MRTFA: variants seen among roughly 807,000 people sequenced by gnomAD.
The protein encoded by MRTFA is myocardin-related transcription factor A.
A neutral mutation model predicts 83.5 loss-of-function variants in MRTFA; 20 were observed. The observed-to-expected ratio is 0.24, with a 90% CI of 0.17 to 0.35. The LOEUF is 0.35. Ranked by LOEUF, MRTFA falls within the 10% of genes least tolerant of loss-of-function variation. The pLI is 1.00. For synonymous variants in MRTFA, 659 were observed against 541.2 expected (o/e 1.22, Z -3.02); for missense variants, 1,200 against 1,224.7 (o/e 0.98, Z 0.30).
intron 2 of MRTFA, among the ~76,000 whole-genome samples, chr22:40,590,486 G>C (rs1160895033): frequency 6.6e-6 from 1 of 151,868 alleles, no homozygotes; most frequent in Non-Finnish European, 1.5e-5. Context: ...GGCCAACATG[G>C]TGAAACCCCG....
chr22:40,547,273 T>C (rs2055379035), intron 3 of MRTFA, among the ~76,000 whole-genome samples: 1 of 151,796 alleles, frequency 6.6e-6, no homozygotes, highest in Non-Finnish European at 1.5e-5. Context: ...GAAATAACTA[T>C]TAAAGAGGAG....
intron 4 of MRTFA, 50 bp from the exon 5 acceptor site, chr22:40,435,604 T>C: frequency 6.3e-7 from 1 of 1,589,554 alleles, no homozygotes; most frequent in Non-Finnish European, 8.6e-7. Context: ...GCATCATGTC[T>C]AGTGCTACGA....
rs759643818 is a variant in MRTFA at position 40,431,363 on chromosome 22, G to A, written c.439+42C>T. Reference sequence around the variant, plus strand: ...TAGTGCAGTAGTGAGTACACACAGTGAGAACTGGATCTAGATGGAAAAGCA... The same window carrying A: ...TAGTGCAGTAGTGAGTACACACAGTAAGAACTGGATCTAGATGGAAAAGCA... On this transcript the variant is annotated intron_variant, in intron 6 of 14. Transcript: ENST00000355630. 2.1e-5 allele frequency: 33 copies of A among 1,574,912 alleles called. No individual in the cohort carries two copies. In the South Asian group the frequency reaches 3.0e-4, roughly 14 times the overall value.
At position 40,598,818 on chromosome 22, in the gene MRTFA, C is replaced by T. The variant is rs149547587; in HGVS notation, c.-83-4083G>A. Among the ~76,000 whole-genome samples, 720 of 147,614 alleles carry T rather than the reference C, an allele frequency of 4.9e-3. 6 individuals are homozygous for T. Among genetic ancestry groups the T allele is most frequent in the Non-Finnish European group, 7.5e-3 (505 of 66,974 alleles). ...CCTAACCAACATGGAGAAATTCCGT[C>T]GCTACTTTAAAAAAAAAAAAAAAAT... On this transcript the variant is annotated intron_variant, in intron 1 of 14. Coordinates refer to ENST00000355630, the MANE Select transcript of MRTFA (RefSeq NM_020831.6).
At chr22:40,612,576 A>G (rs2056399028) in intron 1 of MRTFA, among the ~76,000 whole-genome samples, 1 of 152,228 alleles carries the variant, frequency 6.6e-6, no homozygotes, top group Admixed American at 6.5e-5. Context: ...TAAAAAGCAC[A>G]CATTTTGAGT....
At chr22:40,566,781 C>CCGCGAGGCGGAGGTGCAGT (rs1336805055) in intron 2 of MRTFA, among the ~76,000 whole-genome samples, 2 of 152,096 alleles carry the variant, frequency 1.3e-5, no homozygotes, top group African/African-American at 4.8e-5. Context: ...TGCAGTGAGC[C>CCGCGAGGCGGAGGTGCAGT]GACATCACAC....
intron 3 of MRTFA, among the ~76,000 whole-genome samples, chr22:40,502,135 G>A (rs1316860171): frequency 1.7e-4 from 25 of 143,286 alleles, no homozygotes; most frequent in African/African-American, 4.6e-4. Flanking sequence ...CCTCCCGGAC[G>A]GGGCGGCTGG....
At chr22:40,519,264 A>T (rs1443023666) in intron 3 of MRTFA, among the ~76,000 whole-genome samples, 1 of 152,140 alleles carries the variant, frequency 6.6e-6, no homozygotes, top group African/African-American at 2.4e-5. Context: ...ATGAGTGAGG[A>T]TGGGTACATG....
chr22:40,418,344 C>A, intron 12 of MRTFA, 30 bp downstream of exon 12: 1 of 1,607,428 alleles, frequency 6.2e-7, no homozygotes. Context: ...CTCCTCTGGG[C>A]CCTGCCCGGT....
chr22:40,431,339 A>G, intron 6 of MRTFA, 66 bp downstream of exon 6: 1 of 1,399,440 alleles, frequency 7.1e-7, no homozygotes, highest in Non-Finnish European at 1.0e-6. Context: ...GGAAATGGGT[A>G]GTGCAGTAGT....
intron 7 of MRTFA, among the ~76,000 whole-genome samples, chr22:40,428,798 G>C (rs1349033053): frequency 6.6e-6 from 1 of 152,026 alleles, no homozygotes; most frequent in African/African-American, 2.4e-5. Flanking sequence ...CTGAGGACCT[G>C]GCCTCCCACC....
chr22:40,452,368 A>C (rs916830678), intron 4 of MRTFA, among the ~76,000 whole-genome samples: 1 of 152,162 alleles, frequency 6.6e-6, no homozygotes, highest in Non-Finnish European at 1.5e-5. Flanking sequence ...TGTTCAGGTA[A>C]AATAGTTGAG....
chr22:40,479,659 T>C (rs574553780), intron 3 of MRTFA, among the ~76,000 whole-genome samples: 1 of 152,296 alleles, frequency 6.6e-6, no homozygotes. Context: ...CTATAAATGA[T>C]TCCTGTAAAT....
intron 1 of MRTFA, among the ~76,000 whole-genome samples, chr22:40,627,761 G>A (rs913123550): frequency 1.3e-5 from 2 of 152,140 alleles, no homozygotes; most frequent in South Asian, 2.1e-4. Context: ...AGGTCAAAGC[G>A]TGAGGGCAAG....
intron 1 of MRTFA, among the ~76,000 whole-genome samples, chr22:40,615,515 A>C (rs1376906248): frequency 2.6e-5 from 4 of 152,174 alleles, no homozygotes; most frequent in Non-Finnish European, 5.9e-5. Flanking sequence ...AGTCCTGCTG[A>C]GATTTTGGGG....
Position 40,485,860 on chromosome 22 carries a change from CAG to C in MRTFA, c.242-22576_242-22575del, listed in dbSNP as rs200160377. The stretch of plus-strand genomic sequence containing the variant: ...ATACATCCCAAGCCCTAAGTGGACT[CAG>C]AGATTAACGTAGTCCTAAGGCATCT... On this transcript the variant is annotated intron_variant, in intron 3 of 14. Coordinates refer to ENST00000355630, the MANE Select transcript of MRTFA (RefSeq NM_020831.6). 5.3e-5 allele frequency among the ~76,000 whole-genome samples: 8 copies of C among 152,304 alleles called. No individual in the cohort carries two copies. The East Asian group carries it at 1.5e-3, about 29-fold the overall frequency.
chr22:40,589,084 AG>A (rs1332528897), intron 2 of MRTFA, among the ~76,000 whole-genome samples: 1 of 152,232 alleles, frequency 6.6e-6, no homozygotes, highest in Non-Finnish European at 1.5e-5. Flanking sequence ...AGTAATATGC[AG>A]CAAATGTAGA....
intron 3 of MRTFA, among the ~76,000 whole-genome samples, chr22:40,539,285 C>T (rs1215418009): frequency 6.6e-6 from 1 of 151,950 alleles, no homozygotes; most frequent in African/African-American, 2.4e-5. Context: ...CAGGCATAAG[C>T]CACCGCACCC....
At chr22:40,435,928 C>A (rs1416188237) in intron 4 of MRTFA, among the ~76,000 whole-genome samples, 1 of 147,994 alleles carries the variant, frequency 6.8e-6, no homozygotes. Context: ...GAGCGAGAAA[C>A]CGTCCCCCAA....
Sources: gnomAD v4.1 joint callset for allele counts (sites outside exome capture counted in the v4.1 genomes callset) on GRCh38, gnomAD v4.1.1 for gene constraint, MANE v1.5 for transcripts, NCBI Gene and HGNC (gene_info 2026-07-23, HGNC 2026-07-21) for gene names.